The following IL9R variants were observed in gnomAD, a reference collection of about 807,000 sequenced individuals.
IL9R encodes interleukin-9 receptor.
Under a neutral mutation model 56.3 loss-of-function variants are expected in IL9R, and 54 were observed. That is an observed-to-expected ratio of 0.96 (90% CI 0.77 to 1.20). The LOEUF (loss-of-function observed/expected upper bound fraction) is 1.20, where lower values mean the gene tolerates loss of function less well. Ranked by LOEUF, IL9R falls within the 50% of genes most tolerant of loss-of-function variation. The pLI is 0.00. For synonymous variants in IL9R, 212 were observed against 250.2 expected (o/e 0.85, Z 1.44); for missense variants, 545 against 629.8 (o/e 0.87, Z 1.44).
intron 5 of IL9R, among the ~76,000 whole-genome samples, chrX:156,004,789 G>C (rs2067800717): frequency 1.3e-5 from 2 of 152,106 alleles, no homozygotes; most frequent in East Asian, 3.8e-4. Flanking sequence ...GTGCACATAA[G>C]TGTGGTGAGT....
At chrX:156,003,606 T>G in intron 3 of IL9R, 46 bp downstream of exon 3, 1 of 1,609,566 alleles carries the variant, frequency 6.2e-7, no homozygotes, top group Non-Finnish European at 8.5e-7. Flanking sequence ...TGAGGGTGAG[T>G]TCCCCAGGAT....
intron 1 of IL9R, chrX:156,001,512 AGG>A: frequency 6.3e-7 from 1 of 1,587,072 alleles, no homozygotes; most frequent in Non-Finnish European, 8.6e-7. Flanking sequence ...GGAAAGGGTG[AGG>A]CTTCCTGATC....
Position 156,005,322 on chromosome X carries a change from A to G in IL9R, c.624A>G (p.Ile208Met). Residue 208 changes from isoleucine to methionine, a missense_variant, in exon 6 of 9, where the codon ATA (isoleucine) becomes ATG (methionine). Transcript: ENST00000244174. ...RDHIVGVTWL[I>M]LEAFELDPGF... Reference sequence around the variant, plus strand: ...ACATTGTCGGGGTGACCTGGCTTATACTTGAAGCCTTTGAGCTGGACCCTG... The same window carrying G: ...ACATTGTCGGGGTGACCTGGCTTATGCTTGAAGCCTTTGAGCTGGACCCTG... 1 of 1,612,194 alleles carries G rather than the reference A, an allele frequency of 6.2e-7. No homozygotes were observed. Among genetic ancestry groups the G allele is most frequent in the Non-Finnish European group, 8.5e-7 (1 of 1,179,846 alleles).
chrX:156,005,370 G>T lies in IL9R; in HGVS notation c.672G>T (p.Leu224=), dbSNP rs956457062. The change falls in exon 6 of 9, where the codon CTG becomes CTT. Residue 224 remains leucine, a synonymous_variant. Transcript: ENST00000244174. ...CTGGCTTTATCCATGAGGCCAGGCTGCGTGTCCAGATGGCCACACTGGAGG... is the reference window on the plus strand; with the variant it reads ...CTGGCTTTATCCATGAGGCCAGGCTTCGTGTCCAGATGGCCACACTGGAGG... ...LDPGFIHEAR[L]RVQMATLEDD... is the part of the protein sequence containing the mutation. The T allele has an allele frequency of 3.1e-6, 5 of 1,612,824 alleles. No homozygotes were observed. The highest frequency in any genetic ancestry group is 4.2e-6 in the Non-Finnish European group (5 of 1,179,818).
chrX:156,007,444 G>T (rs2068054410), intron 7 of IL9R, 79 bp from the exon 8 acceptor site: 1 of 841,858 alleles, frequency 1.2e-6, no homozygotes. Flanking sequence ...TCCTGCTGAT[G>T]GAAGGAAGCT....
intron 1 of IL9R, chrX:156,001,350 C>T (rs1359252120): frequency 8.6e-7 from 1 of 1,161,718 alleles, no homozygotes; most frequent in Non-Finnish European, 1.3e-6. Flanking sequence ...TGACTCCAAC[C>T]CTGCCCTCAC....
chrX:156,009,241 G>GTGTGTGTGT (rs1377556588), intron 8 of IL9R, among the ~76,000 whole-genome samples: 1 of 26,698 alleles, frequency 3.7e-5, no homozygotes, highest in Non-Finnish European at 7.5e-5. Context: ...GTGTTCGTGT[G>GTGTGTGTGT]GTGTGTGTGT....
At chrX:155,999,850 G>T (rs1484937870) in intron 1 of IL9R, among the ~76,000 whole-genome samples, 1 of 152,128 alleles carries the variant, frequency 6.6e-6, no homozygotes, top group Non-Finnish European at 1.5e-5. Flanking sequence ...ATATGGCCAG[G>T]CATGTTGGCT....
intron 6 of IL9R, among the ~76,000 whole-genome samples, 164 bp from the exon 7 acceptor site, chrX:156,005,919 G>A (rs1377572328): frequency 7.3e-6 from 1 of 136,526 alleles, no homozygotes; most frequent in Non-Finnish European, 1.5e-5. Flanking sequence ...AAACCTCCAA[G>A]GCCCATCACA....
chrX:156,010,192 G>C lies in IL9R; in HGVS notation c.1349G>C (p.Gly450Ala), dbSNP rs772844907. The change falls in exon 9 of 9, where the codon GGG becomes GCG. Residue 450 changes from glycine (G) to alanine (A), a missense_variant. Physicochemically the swap from Gly to Ala is moderately conservative, Grantham distance 60 (BLOSUM62 0). This residue lies in a region of IL9R where 114 missense variants were observed against 269.8 expected (regional missense o/e 0.42). Transcript: ENST00000244174. The part of the protein sequence containing the change: ...NNNYCALGCY[G>A]GWHLSALPGN... The stretch of plus-strand genomic sequence containing the variant: ...AACTACTGTGCCTTGGGCTGCTATG[G>C]GGGATGGCACCTCTCAGCCCTCCCA... The C allele has an allele frequency of 3.4e-6, 5 of 1,463,462 alleles. No individual in the cohort carries two copies. Among genetic ancestry groups the C allele is most frequent in the Non-Finnish European group, 4.5e-6 (5 of 1,113,070 alleles). The allele number at this position is 1,463,462 out of a possible 1,614,324, so 90.7% of individuals were successfully genotyped here. A position where few individuals can be genotyped will look rare whatever the true frequency, so the allele number is the denominator to read the frequency against.
chrX:155,999,144 T>C lies in IL9R; in HGVS notation c.28+1357T>C, dbSNP rs755993368. ...GCCTCATGAAGGACCAGGCCTGTGA[T>C]GGGGAGGGAAGATGGCAGAGGGGAC... On this transcript the variant is annotated intron_variant, in intron 1 of 8. Coordinates refer to ENST00000244174, the MANE Select transcript of IL9R (RefSeq NM_002186.3). Among the ~76,000 whole-genome samples the C allele has an allele frequency of 8.5e-5, 13 of 152,068 alleles. No individual in the cohort carries two copies. The South Asian group carries it at 2.7e-3, about 32-fold the overall frequency.
intron 4 of IL9R, 132 bp from the exon 5 acceptor site, chrX:156,004,288 C>A: frequency 2.4e-6 from 2 of 842,320 alleles, no homozygotes; most frequent in Non-Finnish European, 3.8e-6. Flanking sequence ...ACCAGTCTCC[C>A]AGTGAGGTGC....
At chrX:155,997,828 A>C in intron 1 of IL9R, 41 bp downstream of exon 1, 1 of 1,591,474 alleles carries the variant, frequency 6.3e-7, no homozygotes, top group Non-Finnish European at 8.6e-7. Context: ...TCAAGTCAGC[A>C]TGAAATTCAG....
Position 156,005,281 on chromosome X carries a change from G to A in IL9R, c.583G>A (p.Ala195Thr). Residue 195 changes from alanine to threonine, a missense_variant, in exon 6 of 9, where the codon GCC becomes ACC. By Grantham distance (58) the Ala-to-Thr change is moderately conservative. Coordinates refer to ENST00000244174, the MANE Select transcript of IL9R (RefSeq NM_002186.3). ...FKKQEEAWEQ[A>T]QHRDHIVGVT... ...CTAACTGTCCCCACCCCCACAGCAG[G>A]CCCAGCACAGGGATCACATTGTCGG... The A allele has an allele frequency of 1.2e-6, 2 of 1,611,958 alleles. No individual in the cohort carries two copies. Among genetic ancestry groups the A allele is most frequent in the Non-Finnish European group, 1.7e-6 (2 of 1,179,810 alleles).
At chrX:156,007,253 G>A (rs3093527) in intron 7 of IL9R, among the ~76,000 whole-genome samples, 6,053 of 139,958 alleles carry the variant, frequency 0.043, 470 homozygotes, top group African/African-American at 0.16. Flanking sequence ...TGAGGACCCA[G>A]CTAGTAACTC....
chrX:156,004,859 C>T (rs1193858861), intron 5 of IL9R, among the ~76,000 whole-genome samples: 2 of 151,524 alleles, frequency 1.3e-5, no homozygotes, highest in East Asian at 3.9e-4. Context: ...TTTGTGTGCC[C>T]ATGTTTGTGT....
chrX:156,005,926 C>T (rs1002169709), intron 6 of IL9R, among the ~76,000 whole-genome samples, 157 bp from the exon 7 acceptor site: 1 of 151,478 alleles, frequency 6.6e-6, no homozygotes, highest in Non-Finnish European at 1.5e-5. Context: ...CAAGGCCCAT[C>T]ACAAGGTCCT....
intron 8 of IL9R, among the ~76,000 whole-genome samples, chrX:156,009,183 CTG>C (rs1218794077): frequency 3.9e-4 from 49 of 124,928 alleles, no homozygotes; most frequent in South Asian, 3.3e-3. Context: ...CTGTGTGTGT[CTG>C]TGTGTCTGTG....
intron 8 of IL9R, among the ~76,000 whole-genome samples, chrX:156,009,260 G>GTGTTTATGTGTGTGTGTC (rs2068291529): frequency 3.5e-5 from 3 of 86,704 alleles, no homozygotes; most frequent in Non-Finnish European, 4.7e-5. Context: ...GTCTGTGTGT[G>GTGTTTATGTGTGTGTGTC]TGTGTTTGTG....
Sources: gnomAD v4.1 joint callset for allele counts (sites outside exome capture counted in the v4.1 genomes callset) on GRCh38, gnomAD v4.1.1 for gene constraint, gnomAD v4.1.1 regional missense constraint, MANE v1.5 for transcripts, NCBI Gene and HGNC (gene_info 2026-07-23, HGNC 2026-07-21) for gene names.